The following ZNF654 variants were observed in gnomAD, a reference collection of about 807,000 sequenced individuals.
ZNF654 encodes the protein zinc finger protein 654.
ZNF654 carries 19 observed loss-of-function variants against 95.3 expected under a neutral mutation model. The ratio of observed to expected loss-of-function variants is 0.20; its 90% CI spans 0.14 to 0.29. The LOEUF is 0.29. Among genes scored for constraint, ZNF654 ranks in the 10% least tolerant of loss-of-function variants. The pLI, the probability that ZNF654 is intolerant of heterozygous loss-of-function variation, is 1.00. For missense variants in ZNF654, 1,046 were observed against 1,341.0 expected (o/e 0.78, Z 3.44); for synonymous variants, 413 against 457.9 (o/e 0.90, Z 1.25).
At chr3:88,114,453 A>G (rs1307055147) in intron 3 of ZNF654, among the ~76,000 whole-genome samples, 1 of 152,150 alleles carries the variant, frequency 6.6e-6, no homozygotes, top group African/African-American at 2.4e-5. Context: ...CAGGGTGCCC[A>G]TTCAGTTATC....
chr3:88,122,226 G>C (rs1164856068), intron 3 of ZNF654, among the ~76,000 whole-genome samples: 2 of 152,170 alleles, frequency 1.3e-5, no homozygotes, highest in Non-Finnish European at 2.9e-5. Context: ...AATGGCATAG[G>C]TAAGAAAAGA....
At chr3:88,096,887 A>G (rs559924073) in intron 2 of ZNF654, among the ~76,000 whole-genome samples, 1 of 152,252 alleles carries the variant, frequency 6.6e-6, no homozygotes, top group East Asian at 1.9e-4. Flanking sequence ...TATAATGCAT[A>G]TATAAGAAAA....
intron 2 of ZNF654, among the ~76,000 whole-genome samples, chr3:88,100,700 A>AT (rs1704363109): frequency 6.6e-6 from 1 of 152,178 alleles, no homozygotes. Context: ...TCAGCAAACT[A>AT]TCACAAGGAA....
chr3:88,108,756 T>C (rs997530877), intron 2 of ZNF654, among the ~76,000 whole-genome samples: 1 of 152,072 alleles, frequency 6.6e-6, no homozygotes, highest in African/African-American at 2.4e-5. Context: ...AGAGTAGTGA[T>C]GCCAGTAATT....
chr3:88,076,718 C>T (rs1707824218), intron 1 of ZNF654, among the ~76,000 whole-genome samples: 1 of 152,102 alleles, frequency 6.6e-6, no homozygotes. Context: ...TGTCCATGCA[C>T]CAATTTTAAT....
intron 1 of ZNF654, among the ~76,000 whole-genome samples, chr3:88,077,467 G>A (rs1440641727): frequency 6.6e-6 from 1 of 151,652 alleles, no homozygotes; most frequent in African/African-American, 2.4e-5. Flanking sequence ...CGAGGAGGTG[G>A]GACTACAGAC....
chr3:88,061,643 A>G (rs1000756065), intron 1 of ZNF654, among the ~76,000 whole-genome samples: 4 of 152,288 alleles, frequency 2.6e-5, no homozygotes, highest in African/African-American at 7.2e-5. Context: ...TCCTTTATTA[A>G]GTTGAATTTT....
intron 1 of ZNF654, 127 bp downstream of exon 1, chr3:88,059,632 C>G: frequency 7.4e-7 from 1 of 1,350,674 alleles, no homozygotes. Context: ...GAGGGTGAGG[C>G]TGAAGCTCCC....
chr3:88,122,876 G>A (rs1705856143), intron 3 of ZNF654, among the ~76,000 whole-genome samples: 1 of 151,812 alleles, frequency 6.6e-6, no homozygotes, highest in East Asian at 1.9e-4. Context: ...TAGGCATGGT[G>A]GTGGGCGCCT....
chr3:88,059,283 G>A lies in ZNF654; in HGVS notation c.-37G>A. On this transcript the variant is annotated 5_prime_UTR_variant, in exon 1 of 9. Transcript: ENST00000636215. ...CTAGGCATCTACGGCGGCGGCGGCGGCGCAGGGGCTGGTACGCGCTGGGCG... is the reference window on the plus strand; with the variant it reads ...CTAGGCATCTACGGCGGCGGCGGCGACGCAGGGGCTGGTACGCGCTGGGCG... 12 of 1,532,518 alleles carry A rather than the reference G, an allele frequency of 7.8e-6. No individual in the cohort carries two copies. Among genetic ancestry groups the A allele is most frequent in the Non-Finnish European group, 8.7e-6 (10 of 1,146,196 alleles). The allele number at this position is 1,532,518 out of a possible 1,614,324, so 94.9% of individuals were successfully genotyped here. A position where few individuals can be genotyped will look rare whatever the true frequency, so the allele number is the denominator to read the frequency against.
intron 1 of ZNF654, among the ~76,000 whole-genome samples, chr3:88,069,745 A>G (rs1020715324): frequency 2.6e-5 from 4 of 152,202 alleles, no homozygotes; most frequent in African/African-American, 9.7e-5. Context: ...CTCGTGTAAT[A>G]TATTACACAA....
Position 88,119,112 on chromosome 3 carries a change from A to T in ZNF654, c.414+5916A>T, listed in dbSNP as rs1450209189. On this transcript the variant is annotated intron_variant, in intron 3 of 8. Coordinates refer to ENST00000636215, the MANE Select transcript of ZNF654 (RefSeq NM_001350134.2). ...TATGTTTACTGCGGCATTATTCACA[A>T]TAGCAAAGACTTGGAACCAACCCAA... 2.7e-5 allele frequency among the ~76,000 whole-genome samples: 4 copies of T among 149,182 alleles called. No individual in the cohort carries two copies. The South Asian group carries it at 8.6e-4, about 32-fold the overall frequency.
chr3:88,086,116 G>A, intron 1 of ZNF654, 141 bp from the exon 2 acceptor site: 1 of 641,690 alleles, frequency 1.6e-6, no homozygotes, highest in Non-Finnish European at 2.6e-6. Flanking sequence ...AAAATAAACA[G>A]TATAGAAGAT....
At position 88,140,941 on chromosome 3, in the gene ZNF654, T is replaced by G; in HGVS notation, c.3272T>G (p.Leu1091Ter). 6.2e-7 allele frequency: 1 copy of G among 1,613,496 alleles called. No homozygotes were observed. Residue 1091 changes from leucine to a stop codon, truncating the protein, a stop_gained, in exon 8 of 9, where the codon TTA becomes TGA. Coordinates refer to ENST00000636215, the MANE Select transcript of ZNF654 (RefSeq NM_001350134.2). LOFTEE classifies it high-confidence loss of function. The stretch of plus-strand genomic sequence containing the variant: ...GTGTATAAAAAATCAGTGAAAAGAT[T>G]AAGATGTGGCAAATGCCTGACCACC... Reference protein sequence around the residue: ...DNVYKKSVKRLRCGKCLTTYC... With the variant: ...DNVYKKSVKR
chr3:88,099,358 T>C (rs1371891803), intron 2 of ZNF654, among the ~76,000 whole-genome samples: 1 of 152,186 alleles, frequency 6.6e-6, no homozygotes, highest in Non-Finnish European at 1.5e-5. Flanking sequence ...TATTCCATGC[T>C]CATGGATAGG....
intron 3 of ZNF654, among the ~76,000 whole-genome samples, chr3:88,114,342 A>C (rs1280763948): frequency 6.6e-6 from 1 of 152,182 alleles, no homozygotes; most frequent in African/African-American, 2.4e-5. Context: ...AACCACTGAA[A>C]TGTTTGGAGT....
At chr3:88,077,588 A>G (rs1420752190) in intron 1 of ZNF654, among the ~76,000 whole-genome samples, 1 of 152,190 alleles carries the variant, frequency 6.6e-6, no homozygotes, top group Non-Finnish European at 1.5e-5. Context: ...TACCCATGAA[A>G]AACTTGCATT....
At chr3:88,091,551 A>G (rs1271900393) in intron 2 of ZNF654, among the ~76,000 whole-genome samples, 1 of 152,068 alleles carries the variant, frequency 6.6e-6, no homozygotes, top group Non-Finnish European at 1.5e-5. Flanking sequence ...TTAAAATGTC[A>G]TTTATTGACT....
At chr3:88,129,554 T>A (rs1706325614) in intron 5 of ZNF654, 133 bp from the exon 6 acceptor site, 1 of 689,270 alleles carries the variant, frequency 1.5e-6, no homozygotes, top group African/African-American at 1.8e-5. Flanking sequence ...AATATTTCTG[T>A]ACAAGTCATC....
Sources: gnomAD v4.1 joint callset for allele counts (sites outside exome capture counted in the v4.1 genomes callset) on GRCh38, gnomAD v4.1.1 for gene constraint, MANE v1.5 for transcripts, NCBI Gene and HGNC (gene_info 2026-07-23, HGNC 2026-07-21) for gene names.